The following SCHIP1 variants were observed in gnomAD, a reference collection of about 807,000 sequenced individuals.
SCHIP1 encodes schwannomin-interacting protein 1.
SCHIP1 carries 8 observed loss-of-function variants against 29.7 expected under a neutral mutation model. That is an observed-to-expected ratio of 0.27 (90% CI 0.16 to 0.49). The LOEUF (loss-of-function observed/expected upper bound fraction) is 0.49. SCHIP1 is among the 20% of genes least tolerant of loss of function. SCHIP1 has a pLI of 0.99. For missense variants in SCHIP1, 193 were observed against 294.6 expected (o/e 0.66, Z 2.52); for synonymous variants, 76 against 94.9 (o/e 0.80, Z 1.16).
At chr3:159,713,702 G>A in the SCHIP1 span, among the ~76,000 whole-genome samples, 4 of 152,268 alleles carry the variant, frequency 2.6e-5, no homozygotes, top group African/African-American at 7.2e-5. Flanking sequence ...CCAAGATTTT[G>A]GACTAATAAG....
chr3:159,709,119 C>T, the SCHIP1 span, among the ~76,000 whole-genome samples: 1 of 151,812 alleles, frequency 6.6e-6, no homozygotes, highest in African/African-American at 2.4e-5. Flanking sequence ...TGGTGATGAA[C>T]ATTTATGCCA....
the SCHIP1 span, among the ~76,000 whole-genome samples, chr3:159,579,120 C>T: frequency 2.0e-5 from 3 of 152,056 alleles, no homozygotes; most frequent in African/African-American, 7.2e-5. Flanking sequence ...ATTTGAGTAT[C>T]GCAATGCAAA....
At chr3:159,647,038 A>AG in the SCHIP1 span, among the ~76,000 whole-genome samples, 17 of 152,188 alleles carry the variant, frequency 1.1e-4, no homozygotes, top group Non-Finnish European at 2.4e-4. Flanking sequence ...TGTCAGGTTA[A>AG]GACTAGGAGA....
At chr3:159,742,186 A>AGTGAGCCGAGATTGTGCCT in the SCHIP1 span, among the ~76,000 whole-genome samples, 1 of 152,180 alleles carries the variant, frequency 6.6e-6, no homozygotes, top group Non-Finnish European at 1.5e-5. Flanking sequence ...AGATTGTGCC[A>AGTGAGCCGAGATTGTGCCT]CTGCACTCCA....
the SCHIP1 span, among the ~76,000 whole-genome samples, chr3:159,793,025 G>T: frequency 6.6e-6 from 1 of 152,154 alleles, no homozygotes; most frequent in Non-Finnish European, 1.5e-5. Context: ...GAAAATGTTT[G>T]CAACCAGTGT....
At chr3:159,349,557 G>T in the SCHIP1 span, among the ~76,000 whole-genome samples, 1 of 152,118 alleles carries the variant, frequency 6.6e-6, no homozygotes, top group Non-Finnish European at 1.5e-5. Context: ...GCCTAACATG[G>T]GTAAAGGTTC....
chr3:159,298,841 C>T, the SCHIP1 span, among the ~76,000 whole-genome samples: 233 of 152,314 alleles, frequency 1.5e-3, no homozygotes, highest in African/African-American at 5.5e-3. Context: ...ACATCGTTGG[C>T]CCATGCCACA....
At chr3:159,289,421 ATT>A in the SCHIP1 span, among the ~76,000 whole-genome samples, 1 of 151,884 alleles carries the variant, frequency 6.6e-6, no homozygotes, top group Non-Finnish European at 1.5e-5. Flanking sequence ...TTATTTATTT[ATT>A]TATTTATTTA....
the SCHIP1 span, among the ~76,000 whole-genome samples, chr3:159,740,302 T>C: frequency 6.6e-6 from 1 of 152,194 alleles, no homozygotes; most frequent in Non-Finnish European, 1.5e-5. Flanking sequence ...CACTGGTGAA[T>C]GGTTCCACTG....
At chr3:159,296,611 T>C in the SCHIP1 span, among the ~76,000 whole-genome samples, 1 of 152,078 alleles carries the variant, frequency 6.6e-6, no homozygotes, top group East Asian at 1.9e-4. Flanking sequence ...CCGTCTCTAC[T>C]AAAGATACAA....
At chr3:159,722,057 T>C in the SCHIP1 span, 1 of 361,052 alleles carries the variant, frequency 2.8e-6, no homozygotes. Context: ...TCTCATCCCT[T>C]CAGTTGGTTT....
chr3:159,411,091 G>C, the SCHIP1 span, among the ~76,000 whole-genome samples: 1 of 152,086 alleles, frequency 6.6e-6, no homozygotes, highest in African/African-American at 2.4e-5. Flanking sequence ...TTGAACTCAT[G>C]GAGACAGAGG....
chr3:159,873,522 G>C (rs1715484972), intron 2 of SCHIP1, among the ~76,000 whole-genome samples: 1 of 152,226 alleles, frequency 6.6e-6, no homozygotes, highest in African/African-American at 2.4e-5. Context: ...CTTCTTAAGA[G>C]TGACAAGTTG....
the SCHIP1 span, among the ~76,000 whole-genome samples, chr3:159,493,336 T>G: frequency 6.6e-6 from 1 of 152,180 alleles, no homozygotes; most frequent in East Asian, 1.9e-4. Context: ...GACCCATCAG[T>G]GTGCTGTATT....
At chr3:159,614,408 A>G in the SCHIP1 span, among the ~76,000 whole-genome samples, 1 of 152,200 alleles carries the variant, frequency 6.6e-6, no homozygotes, top group African/African-American at 2.4e-5. Context: ...TGACTACAAT[A>G]GCCATTTAGA....
chr3:159,828,472 C>T, the SCHIP1 span, among the ~76,000 whole-genome samples: 55 of 115,944 alleles, frequency 4.7e-4, 2 homozygotes, highest in Middle Eastern at 5.6e-3. Flanking sequence ...TGTATATATA[C>T]ACACACATAC....
chr3:159,574,882 A>G, the SCHIP1 span, among the ~76,000 whole-genome samples: 3 of 152,204 alleles, frequency 2.0e-5, no homozygotes, highest in Non-Finnish European at 4.4e-5. Context: ...TCAGTGAACA[A>G]GGCTCTGTGG....
At chr3:159,602,215 C>T in the SCHIP1 span, among the ~76,000 whole-genome samples, 3 of 152,204 alleles carry the variant, frequency 2.0e-5, no homozygotes, top group African/African-American at 7.2e-5. Flanking sequence ...CTTGGCTGAG[C>T]TGGCCACTTG....
the SCHIP1 span, among the ~76,000 whole-genome samples, chr3:159,808,958 A>G: frequency 1.5e-5 from 2 of 130,390 alleles, no homozygotes; most frequent in African/African-American, 8.1e-5. Flanking sequence ...ACTCCGTCTC[A>G]AAAAAAAAGA....
Sources: gnomAD v4.1 joint callset for allele counts (sites outside exome capture counted in the v4.1 genomes callset) on GRCh38, gnomAD v4.1.1 for gene constraint, MANE v1.5 for transcripts, NCBI Gene and HGNC (gene_info 2026-07-23, HGNC 2026-07-21) for gene names.